Variants in LMBR1 observed in about 807,000 individuals in gnomAD.
The protein encoded by LMBR1 is limb region 1 protein homolog.
LMBR1 carries 52 observed loss-of-function variants against 73.9 expected under a neutral mutation model. The observed-to-expected ratio is 0.70, with a 90% CI of 0.56 to 0.89. The LOEUF is 0.89. Ranked by LOEUF, LMBR1 falls within the 40% of genes least tolerant of loss-of-function variation. The pLI is 0.00. For missense variants in LMBR1, 539 were observed against 579.8 expected, an observed-to-expected ratio of 0.93 and a Z score of 0.72; for synonymous variants, 215 against 209.4, an observed-to-expected ratio of 1.03 and a Z score of -0.23.
chr7:156,837,580 CA>C (rs1837893039), intron 1 of LMBR1, among the ~76,000 whole-genome samples: 1 of 152,018 alleles, frequency 6.6e-6, no homozygotes, highest in South Asian at 2.1e-4. Context: ...TCAAAAGCTT[CA>C]ATTCATTTAA....
At chr7:156,783,404 C>T (rs547126355) in intron 5 of LMBR1, among the ~76,000 whole-genome samples, 2 of 152,234 alleles carry the variant, frequency 1.3e-5, no homozygotes, top group East Asian at 3.9e-4. Context: ...GTCTCGAACT[C>T]CTGGCCTCCT....
intron 9 of LMBR1, chr7:156,736,542 T>C (rs1337768693): frequency 4.4e-6 from 2 of 456,886 alleles, no homozygotes; most frequent in Non-Finnish European, 8.8e-6. Flanking sequence ...TTCCCAAAAG[T>C]AGCTGTCCAG....
At chr7:156,767,214 C>T (rs1824259787) in intron 5 of LMBR1, among the ~76,000 whole-genome samples, 1 of 152,102 alleles carries the variant, frequency 6.6e-6, no homozygotes, top group Non-Finnish European at 1.5e-5. Flanking sequence ...AGCAGACGGA[C>T]TCAAACTCAC....
At chr7:156,779,222 T>G (rs1788576530) in intron 5 of LMBR1, among the ~76,000 whole-genome samples, 1 of 152,190 alleles carries the variant, frequency 6.6e-6, no homozygotes, top group African/African-American at 2.4e-5. Flanking sequence ...TTTCCCAGTA[T>G]GAACACTTAT....
intron 15 of LMBR1, 89 bp downstream of exon 15, chr7:156,724,023 A>G (rs998495043): frequency 1.1e-6 from 1 of 884,796 alleles, no homozygotes; most frequent in African/African-American, 1.7e-5. Flanking sequence ...TTTCAAAGGT[A>G]ATCTTTATGA....
At chr7:156,874,910 T>C (rs920041606) in intron 1 of LMBR1, among the ~76,000 whole-genome samples, 1 of 152,136 alleles carries the variant, frequency 6.6e-6, no homozygotes, top group South Asian at 2.1e-4. Context: ...CCAAAAAATA[T>C]CACACTGGCT....
intron 1 of LMBR1, among the ~76,000 whole-genome samples, chr7:156,841,913 C>A (rs1838772233): frequency 6.6e-6 from 1 of 150,896 alleles, no homozygotes; most frequent in Non-Finnish European, 1.5e-5. Flanking sequence ...ATGAATAATC[C>A]AGTAGAGAGA....
intron 1 of LMBR1, among the ~76,000 whole-genome samples, chr7:156,889,242 C>G (rs973683277): frequency 5.3e-5 from 8 of 152,174 alleles, no homozygotes; most frequent in Admixed American, 4.6e-4. Context: ...GTTACTGTTT[C>G]ATGGGTATCA....
At chr7:156,863,280 G>GA (rs1374119607) in intron 1 of LMBR1, among the ~76,000 whole-genome samples, 2 of 152,046 alleles carry the variant, frequency 1.3e-5, no homozygotes, top group African/African-American at 4.8e-5. Flanking sequence ...CCGAGGGCAG[G>GA]AAGCATCCAG....
At chr7:156,784,987 C>T (rs571295339) in intron 5 of LMBR1, among the ~76,000 whole-genome samples, 12 of 152,198 alleles carry the variant, frequency 7.9e-5, no homozygotes, top group Admixed American at 3.3e-4. Context: ...CAATTTTTCC[C>T]GGCACCAGAA....
At chr7:156,782,665 T>C (rs1827356528) in intron 5 of LMBR1, among the ~76,000 whole-genome samples, 1 of 152,020 alleles carries the variant, frequency 6.6e-6, no homozygotes, top group Non-Finnish European at 1.5e-5. Context: ...CCGCCTCAGC[T>C]ACCCAAGTAG....
chr7:156,733,120 G>C (rs568087919), intron 10 of LMBR1, among the ~76,000 whole-genome samples: 1 of 152,130 alleles, frequency 6.6e-6, no homozygotes, highest in Non-Finnish European at 1.5e-5. Context: ...ACTCTAGCCT[G>C]GGCGACAGAG....
At chr7:156,840,823 G>A (rs1308657390) in intron 1 of LMBR1, among the ~76,000 whole-genome samples, 5 of 151,506 alleles carry the variant, frequency 3.3e-5, no homozygotes, top group East Asian at 3.9e-4. Context: ...AAATTAGCCG[G>A]GCGTCGTGGC....
At chr7:156,744,101 C>T (rs984824833) in intron 9 of LMBR1, among the ~76,000 whole-genome samples, 2 of 152,092 alleles carry the variant, frequency 1.3e-5, no homozygotes, top group Non-Finnish European at 2.9e-5. Flanking sequence ...CAGGGTCTCA[C>T]TTTATATTAC....
intron 9 of LMBR1, among the ~76,000 whole-genome samples, chr7:156,755,613 T>C (rs1821717462): frequency 6.6e-6 from 1 of 152,238 alleles, no homozygotes; most frequent in South Asian, 2.1e-4. Context: ...GCTGACATTG[T>C]TGACTAAAGT....
At chr7:156,842,335 T>C (rs1476647093) in intron 1 of LMBR1, among the ~76,000 whole-genome samples, 1 of 143,066 alleles carries the variant, frequency 7.0e-6, no homozygotes, top group East Asian at 2.0e-4. Context: ...GGGGGGAGAT[T>C]TGTACAGGGG....
At chr7:156,752,674 A>G (rs1563278858) in intron 9 of LMBR1, among the ~76,000 whole-genome samples, 1 of 152,204 alleles carries the variant, frequency 6.6e-6, no homozygotes, top group Admixed American at 6.5e-5. Context: ...CAAGGTCACC[A>G]GTGGAGAGTA....
At chr7:156,768,333 G>A (rs1282752172) in intron 5 of LMBR1, among the ~76,000 whole-genome samples, 1 of 151,978 alleles carries the variant, frequency 6.6e-6, no homozygotes, top group East Asian at 1.9e-4. Flanking sequence ...CTACACTCTA[G>A]CCTGGGCAAC....
intron 1 of LMBR1, among the ~76,000 whole-genome samples, chr7:156,863,058 C>G (rs1035955985): frequency 6.6e-6 from 1 of 151,914 alleles, no homozygotes; most frequent in Non-Finnish European, 1.5e-5. Context: ...TGCTAAGAAC[C>G]CTAATTGCAT....
Sources: gnomAD v4.1 joint callset for allele counts (sites outside exome capture counted in the v4.1 genomes callset) on GRCh38, gnomAD v4.1.1 for gene constraint, MANE v1.5 for transcripts, NCBI Gene and HGNC (gene_info 2026-07-23, HGNC 2026-07-21) for gene names.